The following FAF1 variants were observed in gnomAD, a reference collection of about 807,000 sequenced individuals.
The protein encoded by FAF1 is FAS-associated factor 1.
Under a neutral mutation model 92.5 loss-of-function variants are expected in FAF1, and 25 were observed. That is an observed-to-expected ratio of 0.27 (90% CI 0.20 to 0.38). The LOEUF (loss-of-function observed/expected upper bound fraction) is 0.38. Among genes scored for constraint, FAF1 ranks in the 10% least tolerant of loss-of-function variants. The probability of loss-of-function intolerance (pLI) is 1.00; values close to 1 mark genes in which losing one functional copy is unlikely to be tolerated. For missense variants in FAF1, 636 were observed against 793.3 expected (o/e 0.80, Z 2.38); for synonymous variants, 234 against 273.2 (o/e 0.86, Z 1.42).
At chr1:50,740,954 A>G (rs1659364007) in intron 5 of FAF1, among the ~76,000 whole-genome samples, 1 of 152,172 alleles carries the variant, frequency 6.6e-6, no homozygotes, top group South Asian at 2.1e-4. Context: ...CCACTATCCA[A>G]AGATTTTCTA....
intron 2 of FAF1, among the ~76,000 whole-genome samples, chr1:50,825,548 A>G (rs890789665): frequency 6.6e-6 from 1 of 152,106 alleles, no homozygotes; most frequent in Non-Finnish European, 1.5e-5. Context: ...AATTAAAAAA[A>G]TAAATAGAAA....
At chr1:50,657,577 A>G (rs1655182002) in intron 7 of FAF1, among the ~76,000 whole-genome samples, 1 of 152,200 alleles carries the variant, frequency 6.6e-6, no homozygotes, top group South Asian at 2.1e-4. Context: ...ACAAAACCCA[A>G]AAACTTCAAT....
intron 1 of FAF1, among the ~76,000 whole-genome samples, chr1:50,868,826 G>A (rs1174284582): frequency 2.0e-5 from 3 of 152,066 alleles, no homozygotes; most frequent in African/African-American, 7.2e-5. Context: ...CCAATAATCT[G>A]TATTGCTAAA....
At chr1:50,448,673 C>T (rs1444036144) in intron 18 of FAF1, among the ~76,000 whole-genome samples, 1 of 152,186 alleles carries the variant, frequency 6.6e-6, no homozygotes, top group East Asian at 1.9e-4. Context: ...AATTTACAGG[C>T]AAAGAATACA....
At chr1:50,767,286 AC>A (rs1333449088) in intron 4 of FAF1, among the ~76,000 whole-genome samples, 4 of 152,152 alleles carry the variant, frequency 2.6e-5, no homozygotes, top group African/African-American at 9.7e-5. Flanking sequence ...AAAAGAACAA[AC>A]AAAACCTCTA....
chr1:50,675,882 T>C (rs1326623608), intron 7 of FAF1, among the ~76,000 whole-genome samples: 3 of 152,248 alleles, frequency 2.0e-5, no homozygotes, highest in Admixed American at 6.5e-5. Context: ...CTACCATTTA[T>C]TGAGTAGCAG....
intron 7 of FAF1, among the ~76,000 whole-genome samples, chr1:50,662,731 T>C (rs1255780148): frequency 7.2e-6 from 1 of 138,116 alleles, no homozygotes; most frequent in African/African-American, 2.7e-5. Context: ...AGTCTCCCTC[T>C]GTCGCGCCCA....
At position 50,472,424 on chromosome 1, in the gene FAF1, A is replaced by ACACACAC. The variant is rs1553216761; in HGVS notation, c.1869+3039_1869+3040insGTGTGTG. ...ACACACACACACACACACACACACAAACCCCAAAACCAAGTAACTCAATGC... is the reference window on the plus strand; with the variant it reads ...ACACACACACACACACACACACACAACACACACACCCCAAAACCAAGTAACTCAATGC... On this transcript the variant is annotated intron_variant, in intron 18 of 18. Coordinates refer to ENST00000396153, the MANE Select transcript of FAF1 (RefSeq NM_007051.3). Among the ~76,000 whole-genome samples, 101 of 96,142 alleles carry ACACACAC rather than the reference A, an allele frequency of 1.1e-3. 2 individuals are homozygous for ACACACAC. The highest frequency in any genetic ancestry group is 2.7e-3 in the African/African-American group (74 of 27,898). The allele number at this position is 96,142 out of a possible 152,430, so 63.1% of individuals were successfully genotyped here. A position where few individuals can be genotyped will look rare whatever the true frequency, so the allele number is the denominator to read the frequency against.
At chr1:50,724,302 C>CACACACACACAT (rs1557494734) in intron 6 of FAF1, among the ~76,000 whole-genome samples, 3 of 130,306 alleles carry the variant, frequency 2.3e-5, no homozygotes, top group Admixed American at 8.0e-5. Flanking sequence ...CACATACACA[C>CACACACACACAT]ACACACACAC....
chr1:50,688,184 A>G (rs926545851), intron 7 of FAF1, among the ~76,000 whole-genome samples: 1 of 151,976 alleles, frequency 6.6e-6, no homozygotes, highest in African/African-American at 2.4e-5. Flanking sequence ...AAAATAAAAC[A>G]AAACAGAAAA....
chr1:50,920,510 T>C (rs748763896), intron 1 of FAF1, among the ~76,000 whole-genome samples: 5 of 152,084 alleles, frequency 3.3e-5, no homozygotes, highest in South Asian at 4.1e-4. Context: ...CTCATGAACA[T>C]AGATGCAAAA....
At chr1:50,748,712 T>G (rs1478187589) in intron 4 of FAF1, among the ~76,000 whole-genome samples, 2 of 152,226 alleles carry the variant, frequency 1.3e-5, no homozygotes, top group Admixed American at 1.3e-4. Flanking sequence ...TTCATATATC[T>G]GCTTATGTTA....
chr1:50,532,158 T>C (rs541381453), intron 15 of FAF1, among the ~76,000 whole-genome samples: 1 of 152,292 alleles, frequency 6.6e-6, no homozygotes, highest in African/African-American at 2.4e-5. Flanking sequence ...GCTATAACTT[T>C]CATGAAGACA....
chr1:50,714,229 G>A (rs1342776281), intron 6 of FAF1, among the ~76,000 whole-genome samples: 1 of 150,140 alleles, frequency 6.7e-6, no homozygotes, highest in African/African-American at 2.5e-5. Flanking sequence ...TCGCCTGGGT[G>A]TCGTGGCTCA....
At chr1:50,699,585 A>G (rs1657380172) in intron 7 of FAF1, among the ~76,000 whole-genome samples, 1 of 152,182 alleles carries the variant, frequency 6.6e-6, no homozygotes, top group Non-Finnish European at 1.5e-5. Flanking sequence ...AGGTTCACAC[A>G]ATAACAGCAA....
chr1:50,477,212 T>A (rs1646649758), intron 17 of FAF1, among the ~76,000 whole-genome samples: 1 of 152,162 alleles, frequency 6.6e-6, no homozygotes, highest in African/African-American at 2.4e-5. Context: ...ATGACTGAGG[T>A]TACTTTCCTT....
intron 7 of FAF1, among the ~76,000 whole-genome samples, chr1:50,694,010 C>CACGACATAT (rs1172437342): frequency 5.4e-5 from 8 of 147,218 alleles, no homozygotes; most frequent in African/African-American, 2.1e-4. Context: ...TATATATATA[C>CACGACATAT]ATGACATATA....
intron 12 of FAF1, among the ~76,000 whole-genome samples, chr1:50,579,202 G>A (rs1271442416): frequency 2.6e-5 from 4 of 152,096 alleles, no homozygotes; most frequent in African/African-American, 9.7e-5. Context: ...CCAATTTACT[G>A]TACAAGACAC....
intron 13 of FAF1, among the ~76,000 whole-genome samples, chr1:50,550,081 G>A (rs1649233679): frequency 6.6e-6 from 1 of 151,952 alleles, no homozygotes; most frequent in African/African-American, 2.4e-5. Context: ...GCTGGGCACC[G>A]TAGCTCACGC....
Sources: allele counts gnomAD v4.1 joint callset (sites outside exome capture counted in the v4.1 genomes callset), GRCh38; gene constraint gnomAD v4.1.1; transcripts MANE v1.5; gene names NCBI Gene and HGNC (gene_info 2026-07-23, HGNC 2026-07-21).